Variants in GRM8 observed in about 807,000 individuals in gnomAD.
GRM8 encodes the protein metabotropic glutamate receptor 8.
GRM8 carries 47 observed loss-of-function variants against 87.2 expected under a neutral mutation model. The ratio of observed to expected loss-of-function variants is 0.54; its 90% CI spans 0.43 to 0.69. The LOEUF is 0.69. Ranked by LOEUF, GRM8 falls within the 30% of genes least tolerant of loss-of-function variation. The pLI is 0.00. For synonymous variants in GRM8, 396 were observed against 404.5 expected, an observed-to-expected ratio of 0.98 and a Z score of 0.25; for missense variants, 1,019 against 1,139.2, an observed-to-expected ratio of 0.89 and a Z score of 1.52.
chr7:126,983,235 G>C (rs1464075750), intron 3 of GRM8, among the ~76,000 whole-genome samples: 1 of 152,146 alleles, frequency 6.6e-6, no homozygotes, highest in East Asian at 1.9e-4. Context: ...GCAAAATTTT[G>C]CTAGTGGGTC....
chr7:126,774,080 T>C (rs185715647), intron 6 of GRM8, among the ~76,000 whole-genome samples: 2 of 152,302 alleles, frequency 1.3e-5, no homozygotes, highest in African/African-American at 4.8e-5. Context: ...ATGAACACTG[T>C]AAGAATCTCC....
intron 7 of GRM8, among the ~76,000 whole-genome samples, chr7:126,765,085 T>C (rs1448837657): frequency 6.6e-6 from 1 of 151,886 alleles, no homozygotes; most frequent in African/African-American, 2.4e-5. Flanking sequence ...GTTTGGCTAA[T>C]GAGATTCAAG....
intron 7 of GRM8, among the ~76,000 whole-genome samples, chr7:126,712,284 C>T (rs1019855620): frequency 8.5e-5 from 13 of 152,098 alleles, no homozygotes; most frequent in African/African-American, 3.1e-4. Context: ...AGAACACACA[C>T]AAAATTTATT....
Position 127,171,412 on chromosome 7 carries a change from A to G in GRM8, c.511-64700T>C, listed in dbSNP as rs547544031. ...TGAAGGAAGTTCTAACGTGGATAAAATGTTGTCAAACAGCAAAGCATGCTA... is the reference window on the plus strand; with the variant it reads ...TGAAGGAAGTTCTAACGTGGATAAAGTGTTGTCAAACAGCAAAGCATGCTA... On this transcript the variant is annotated intron_variant, in intron 2 of 10. Coordinates refer to ENST00000339582, the MANE Select transcript of GRM8 (RefSeq NM_000845.3). Among the ~76,000 whole-genome samples the G allele has an allele frequency of 8.9e-4, 136 of 152,350 alleles. 1 individual carries two copies. The highest frequency in any genetic ancestry group is 1.9e-3 in the Admixed American group (29 of 15,304).
chr7:126,832,409 A>C lies in GRM8; in HGVS notation c.1157-62344T>G, dbSNP rs182160846. 5.8e-3 allele frequency among the ~76,000 whole-genome samples: 886 copies of C among 152,282 alleles called. 21 individuals are homozygous for C. The highest frequency in any genetic ancestry group is 0.039 in the Admixed American group (594 of 15,284). ...CTTTGAATTCATTTAAGCCACACTT[A>C]AACCTATCTATATATTCTGTATCTA... is the stretch of plus-strand genomic sequence containing the variant. On this transcript the variant is annotated intron_variant, in intron 6 of 10. Transcript: ENST00000339582.
At chr7:126,471,667 G>A (rs1172978031) in intron 9 of GRM8, among the ~76,000 whole-genome samples, 17 of 151,778 alleles carry the variant, frequency 1.1e-4, no homozygotes, top group South Asian at 4.2e-4. Context: ...TTGACTTGGC[G>A]ATGCGGGCTC....
intron 6 of GRM8, among the ~76,000 whole-genome samples, chr7:126,900,798 C>T (rs1802001816): frequency 6.6e-6 from 1 of 152,182 alleles, no homozygotes; most frequent in South Asian, 2.1e-4. Context: ...GTTTGCACCA[C>T]CGTGCCCGGC....
At chr7:127,143,278 A>G (rs1404117312) in intron 2 of GRM8, among the ~76,000 whole-genome samples, 5 of 152,156 alleles carry the variant, frequency 3.3e-5, no homozygotes, top group African/African-American at 1.2e-4. Context: ...GATTCATTTT[A>G]TCCTTAATAA....
rs556673171 is a variant in GRM8, at chr7:127,168,719, G to A, written c.511-62007C>T. Among the ~76,000 whole-genome samples the A allele has an allele frequency of 4.0e-5, 6 of 151,484 alleles. No individual in the cohort carries two copies. The South Asian group carries it at 6.3e-4, about 16-fold the overall frequency. On this transcript the variant is annotated intron_variant, in intron 2 of 10. Transcript: ENST00000339582. Reference sequence around the variant, plus strand: ...TCATGTCTTTTGCAGGGACATGGATGAAGCTGGAGACCATCATTCTCAGCA... The same window carrying A: ...TCATGTCTTTTGCAGGGACATGGATAAAGCTGGAGACCATCATTCTCAGCA...
At chr7:126,922,351 C>A (rs1397244685) in intron 3 of GRM8, among the ~76,000 whole-genome samples, 1 of 152,014 alleles carries the variant, frequency 6.6e-6, no homozygotes, top group East Asian at 1.9e-4. Flanking sequence ...ATACGCACAT[C>A]CATGTGCAAT....
intron 2 of GRM8, among the ~76,000 whole-genome samples, chr7:127,227,233 C>G (rs908866055): frequency 6.6e-6 from 1 of 152,166 alleles, no homozygotes; most frequent in African/African-American, 2.4e-5. Flanking sequence ...CCGACCAAGT[C>G]CACCCCCAAA....
At chr7:127,018,147 T>A (rs1815875388) in intron 3 of GRM8, among the ~76,000 whole-genome samples, 1 of 151,588 alleles carries the variant, frequency 6.6e-6, no homozygotes, top group South Asian at 2.1e-4. Flanking sequence ...GTAATTGTAA[T>A]AAATACGCAA....
intron 10 of GRM8, among the ~76,000 whole-genome samples, chr7:126,439,825 A>AGTGTGTGT (rs57638512): frequency 0.22 from 31,148 of 142,510 alleles, 3,544 homozygotes; most frequent in Middle Eastern, 0.27. Context: ...GGCCTAGGCT[A>AGTGTGTGT]GTGTGTGTGT....
chr7:126,682,841 G>A (rs923544914), intron 7 of GRM8, among the ~76,000 whole-genome samples: 3 of 152,162 alleles, frequency 2.0e-5, no homozygotes, highest in Non-Finnish European at 4.4e-5. Flanking sequence ...ACGAGGTCAG[G>A]AGTTTGAGAC....
chr7:126,596,141 A>ACAAAAACCCCAAAAT (rs1410880608), intron 8 of GRM8, among the ~76,000 whole-genome samples: 6 of 152,026 alleles, frequency 3.9e-5, no homozygotes, highest in Admixed American at 6.6e-5. Context: ...AACCCCAAAA[A>ACAAAAACCCCAAAAT]CCAAAACTAT....
intron 2 of GRM8, among the ~76,000 whole-genome samples, chr7:127,188,438 G>A (rs183685108): frequency 2.7e-4 from 41 of 152,134 alleles, no homozygotes; most frequent in African/African-American, 8.9e-4. Flanking sequence ...ACCCCATGCC[G>A]ATGCCATGCC....
intron 7 of GRM8, among the ~76,000 whole-genome samples, chr7:126,718,776 GCCA>G (rs1812051196): frequency 6.6e-6 from 1 of 152,184 alleles, no homozygotes; most frequent in African/African-American, 2.4e-5. Context: ...GTTCGTGTCA[GCCA>G]CTTTCACTTG....
intron 2 of GRM8, among the ~76,000 whole-genome samples, chr7:127,140,323 C>G (rs904834455): frequency 4.6e-5 from 7 of 152,030 alleles, no homozygotes; most frequent in African/African-American, 1.7e-4. Flanking sequence ...TTGTGACAAC[C>G]AAAAAATGTC....
At chr7:126,561,725 A>C (rs1223490897) in intron 8 of GRM8, among the ~76,000 whole-genome samples, 2 of 151,230 alleles carry the variant, frequency 1.3e-5, no homozygotes, top group Non-Finnish European at 2.9e-5. Flanking sequence ...TGCTGCACCC[A>C]TTAACTGGTC....
Sources: allele counts gnomAD v4.1 joint callset (sites outside exome capture counted in the v4.1 genomes callset), GRCh38; gene constraint gnomAD v4.1.1; transcripts MANE v1.5; gene names NCBI Gene and HGNC (gene_info 2026-07-23, HGNC 2026-07-21).